Variants in SV2B observed in about 807,000 individuals in gnomAD.
SV2B encodes the protein synaptic vesicle glycoprotein 2B.
In SV2B, 41 loss-of-function variants were observed where a neutral mutation model predicts 73.9. The ratio of observed to expected loss-of-function variants is 0.56; its 90% CI spans 0.43 to 0.72. The LOEUF (loss-of-function observed/expected upper bound fraction) is 0.72. Ranked by LOEUF, SV2B falls within the 30% of genes least tolerant of loss-of-function variation. The probability of loss-of-function intolerance (pLI) is 0.00; values close to 1 mark genes in which losing one functional copy is unlikely to be tolerated. For synonymous variants in SV2B, 314 were observed against 314.2 expected (o/e 1.00, Z 0.01); for missense variants, 764 against 857.8 (o/e 0.89, Z 1.37).
chr15:91,279,559 G>A (rs2048616712), intron 9 of SV2B, among the ~76,000 whole-genome samples: 1 of 152,230 alleles, frequency 6.6e-6, no homozygotes, highest in Non-Finnish European at 1.5e-5. Flanking sequence ...CATAAAATAT[G>A]TGTTGGCCCT....
intron 6 of SV2B, among the ~76,000 whole-genome samples, chr15:91,262,448 C>T (rs2047942646): frequency 1.3e-5 from 2 of 152,042 alleles, no homozygotes; most frequent in African/African-American, 4.8e-5. Context: ...GGGACCAATG[C>T]TTTTCCTGCC....
intron 1 of SV2B, among the ~76,000 whole-genome samples, chr15:91,183,120 A>C (rs553920888): frequency 6.6e-6 from 1 of 152,352 alleles, no homozygotes; most frequent in African/African-American, 2.4e-5. Flanking sequence ...AGTGATTAAC[A>C]TGGGGACTTA....
rs1175909545 is a variant in SV2B at position 91,280,184 on chromosome 15, A to T, written c.1374-1544A>T. Among the ~76,000 whole-genome samples the T allele has an allele frequency of 6.6e-6, 1 of 152,182 alleles. No individual in the cohort carries two copies. The highest frequency in any genetic ancestry group is 6.5e-5 in the Admixed American group (1 of 15,280). On this transcript the variant is annotated intron_variant, in intron 9 of 12. Coordinates refer to ENST00000394232, the MANE Select transcript of SV2B (RefSeq NM_001323032.3). This position sits in a 1 kb window ranked among gnomAD's most constrained non-coding sequence, Gnocchi z 5.8. ...CTTCTTGTGTGGGGTCTTTTAGCAG[A>T]AGCTAATGATTGGCAGCTCTAGATT...
rs944131506 is a variant in SV2B at position 91,245,519 on chromosome 15, TGGG to T, written c.452-6296_452-6294del. On this transcript the variant is annotated intron_variant, in intron 2 of 12. Coordinates refer to ENST00000394232, the MANE Select transcript of SV2B (RefSeq NM_001323032.3). The surrounding 1 kb of genome is among the most constrained non-coding windows in gnomAD (Gnocchi z 4.2). ...TTATTGCTTTACCTTTTATACATTT[TGGG>T]GGGTATTCCTCAGATTTTCTTACAG... Among the ~76,000 whole-genome samples the T allele has an allele frequency of 1.3e-5, 2 of 152,214 alleles. No homozygotes were observed. The highest frequency in any genetic ancestry group is 4.8e-5 in the African/African-American group (2 of 41,460).
At chr15:91,237,345 C>T (rs2046824716) in intron 2 of SV2B, among the ~76,000 whole-genome samples, 1 of 152,162 alleles carries the variant, frequency 6.6e-6, no homozygotes, top group African/African-American at 2.4e-5. Context: ...CACTAGATGC[C>T]TGTAGCACCC....
At chr15:91,186,271 A>G (rs2044766100) in intron 1 of SV2B, among the ~76,000 whole-genome samples, 1 of 150,958 alleles carries the variant, frequency 6.6e-6, no homozygotes, top group South Asian at 2.1e-4. Flanking sequence ...TGTCATAAAC[A>G]TTTTATTTTA....
intron 1 of SV2B, among the ~76,000 whole-genome samples, chr15:91,158,865 C>T (rs1004335113): frequency 2.6e-5 from 4 of 151,324 alleles, no homozygotes; most frequent in East Asian, 2.0e-4. Context: ...GGCTGTGTAT[C>T]GTTGGAGCTG....
intron 1 of SV2B, among the ~76,000 whole-genome samples, chr15:91,198,457 G>A (rs2045335429): frequency 2.4e-5 from 1 of 41,676 alleles, no homozygotes; most frequent in Non-Finnish European, 7.8e-5. Flanking sequence ...GCACGTGTAT[G>A]TGTGTGTGTG....
intron 1 of SV2B, among the ~76,000 whole-genome samples, chr15:91,183,303 G>A (rs1014011957): frequency 1.3e-5 from 2 of 152,214 alleles, no homozygotes; most frequent in African/African-American, 4.8e-5. Flanking sequence ...GGATTACCCA[G>A]ATACTTCCCT....
In SV2B at chr15:91,122,122, C is replaced by T. The variant is rs756547833; in HGVS notation, c.-392+21759C>T. 3.3e-5 allele frequency among the ~76,000 whole-genome samples: 5 copies of T among 152,110 alleles called. No individual in the cohort carries two copies. Among genetic ancestry groups the T allele is most frequent in the Admixed American group, 6.5e-5 (1 of 15,282 alleles). ...TTGCCTGTTGACTCCAGGAGTCTGA[C>T]GCCAAAGACTGAACTCCCAATATGT... is the stretch of plus-strand genomic sequence containing the variant. On this transcript the variant is annotated intron_variant, in intron 1 of 12. Coordinates refer to ENST00000394232, the MANE Select transcript of SV2B (RefSeq NM_001323032.3). This position sits in a 1 kb window ranked among gnomAD's most constrained non-coding sequence, Gnocchi z 4.3.
chr15:91,151,742 T>C (rs1241671076), intron 1 of SV2B, among the ~76,000 whole-genome samples: 1 of 152,204 alleles, frequency 6.6e-6, no homozygotes, highest in Admixed American at 6.5e-5. Flanking sequence ...AGAAACCCCT[T>C]ATATGAAGCT....
intron 1 of SV2B, among the ~76,000 whole-genome samples, chr15:91,154,533 GTCC>G (rs2043422657): frequency 6.6e-6 from 1 of 152,248 alleles, no homozygotes; most frequent in African/African-American, 2.4e-5. Flanking sequence ...GTCTGTCCAT[GTCC>G]TCCTGCTGTG....
At chr15:91,211,856 G>T (rs2045881527) in intron 1 of SV2B, among the ~76,000 whole-genome samples, 1 of 145,670 alleles carries the variant, frequency 6.9e-6, no homozygotes, top group Non-Finnish European at 1.5e-5. Flanking sequence ...GCCCAAGCTG[G>T]TCTCGAACTC....
At chr15:91,247,757 G>A (rs1227337000) in intron 2 of SV2B, among the ~76,000 whole-genome samples, 2 of 152,126 alleles carry the variant, frequency 1.3e-5, no homozygotes, top group African/African-American at 2.4e-5. Flanking sequence ...CAGCCCTGAA[G>A]CCTCCCTCTA....
intron 1 of SV2B, among the ~76,000 whole-genome samples, chr15:91,116,836 G>A (rs2042192588): frequency 6.6e-6 from 1 of 152,226 alleles, no homozygotes; most frequent in Non-Finnish European, 1.5e-5. Context: ...ATGGAGGAAG[G>A]CAAAGGAAGG....
rs529668137 is a variant in SV2B at position 91,161,362 on chromosome 15, AT to A, written c.-392+61001del. Among the ~76,000 whole-genome samples the A allele has an allele frequency of 3.9e-5, 6 of 152,344 alleles. No individual in the cohort carries two copies. The South Asian group carries it at 1.2e-3, about 32-fold the overall frequency. ...AAAAAGGAAAAGTATACAATAAAAT[AT>A]TAGGGTGGCATATTGAAACATTTTC... On this transcript the variant is annotated intron_variant, in intron 1 of 12. Transcript: ENST00000394232.
intron 1 of SV2B, among the ~76,000 whole-genome samples, chr15:91,216,162 G>A (rs2046017938): frequency 6.6e-6 from 1 of 152,160 alleles, no homozygotes; most frequent in African/African-American, 2.4e-5. Flanking sequence ...AAAGAACACT[G>A]TCTCCCATGC....
intron 1 of SV2B, among the ~76,000 whole-genome samples, chr15:91,163,276 C>G (rs937402187): frequency 6.6e-6 from 1 of 152,134 alleles, no homozygotes; most frequent in Non-Finnish European, 1.5e-5. Context: ...TGGGTGTGTA[C>G]CCAGTAGTGG....
Position 91,238,200 on chromosome 15 carries a change from A to G in SV2B, c.451+11486A>G, listed in dbSNP as rs891346693. On this transcript the variant is annotated intron_variant, in intron 2 of 12. Coordinates refer to ENST00000394232, the MANE Select transcript of SV2B (RefSeq NM_001323032.3). ...TTCCTTTTTTTCTAATTTAAAATCA[A>G]ATTATAATAATTATACTACTATCAC... 3.9e-5 allele frequency among the ~76,000 whole-genome samples: 6 copies of G among 152,332 alleles called. No individual in the cohort carries two copies. In the Middle Eastern group the frequency reaches 0.01, roughly 259 times the overall value.
Sources: allele counts gnomAD v4.1 joint callset (sites outside exome capture counted in the v4.1 genomes callset), GRCh38; gene constraint gnomAD v4.1.1; non-coding constraint Gnocchi (gnomAD v3.1); transcripts MANE v1.5; gene names NCBI Gene and HGNC (gene_info 2026-07-23, HGNC 2026-07-21).